The following HTT variants were observed in gnomAD, a reference collection of about 807,000 sequenced individuals.
The protein encoded by HTT is huntington disease protein.
In HTT, 104 loss-of-function variants were observed where a neutral mutation model predicts 362.3. The observed-to-expected ratio is 0.29, with a 90% CI of 0.24 to 0.34. HTT has a LOEUF of 0.34. HTT is among the 10% of genes least tolerant of loss of function. The pLI, the probability that HTT is intolerant of heterozygous loss-of-function variation, is 1.00. For missense variants in HTT, 3,301 were observed against 3,928.6 expected, an observed-to-expected ratio of 0.84 and a Z score of 4.27; for synonymous variants, 1,577 against 1,548.7, an observed-to-expected ratio of 1.02 and a Z score of -0.43.
chr4:3,185,924 G>A (rs976476614), intron 37 of HTT, among the ~76,000 whole-genome samples: 22 of 151,806 alleles, frequency 1.4e-4, no homozygotes, highest in Non-Finnish European at 8.8e-5. Context: ...GAGGGAGGAA[G>A]GAAGGAAGGA....
chr4:3,086,573 A>C (rs1439645643), intron 1 of HTT, among the ~76,000 whole-genome samples: 1 of 152,198 alleles, frequency 6.6e-6, no homozygotes, highest in Non-Finnish European at 1.5e-5. Flanking sequence ...CAGGAGGCTG[A>C]GACGGGAGGA....
chr4:3,160,356 G>A lies in HTT; in HGVS notation c.3828G>A (p.Gln1276=). 1 of 1,555,376 alleles carries A rather than the reference G, an allele frequency of 6.4e-7. No homozygotes were observed. Among genetic ancestry groups the A allele is most frequent in the Non-Finnish European group, 8.7e-7 (1 of 1,148,268 alleles). The change falls in exon 29 of 67, where the codon CAG becomes CAA. Residue 1276 remains glutamine (Q), a synonymous_variant. Coordinates refer to ENST00000355072, the MANE Select transcript of HTT (RefSeq NM_001388492.1). ...FLRSALDVLS[Q]ILELATLQDI... ...GCTCAGCCTTGGATGTTCTTTCTCA[G>A]ATACTAGAGCTGGCCACACTGCAGG...
chr4:3,231,291 G>A lies in HTT; in HGVS notation c.8265+1249G>A, dbSNP rs1439882044. On this transcript the variant is annotated intron_variant, in intron 60 of 66. Transcript: ENST00000355072. The stretch of plus-strand genomic sequence containing the variant: ...GGCCTGCCTAGCCCGTGCTCTGGAC[G>A]GGCTCCTGTGTGTCAGGAACGACAA... 2.9e-4 allele frequency among the ~76,000 whole-genome samples: 44 copies of A among 152,208 alleles called. 1 individual carries two copies. The highest frequency in any genetic ancestry group is 8.8e-5 in the Non-Finnish European group (6 of 68,032).
chr4:3,185,447 T>C (rs753927541), intron 37 of HTT, among the ~76,000 whole-genome samples: 5 of 152,184 alleles, frequency 3.3e-5, no homozygotes, highest in Admixed American at 2.0e-4. Context: ...TGTTGTGAGC[T>C]TCACATCTGT....
intron 1 of HTT, among the ~76,000 whole-genome samples, chr4:3,079,547 G>A (rs1215718612): frequency 2.0e-5 from 3 of 152,166 alleles, no homozygotes; most frequent in Non-Finnish European, 4.4e-5. Flanking sequence ...TAGCAAGGAT[G>A]TCATTTTAGT....
In HTT at chr4:3,075,942, A is replaced by G. The variant is rs933735047; in HGVS notation, c.263+854A>G. On this transcript the variant is annotated intron_variant, in intron 1 of 66. Coordinates refer to ENST00000355072, the MANE Select transcript of HTT (RefSeq NM_001388492.1). ...AAGAGTTGATTGAAGTTTTTTGCCT[A>G]TGTGTGTTGGGAATAAAACCAACAC... Among the ~76,000 whole-genome samples, 20 of 152,228 alleles carry G rather than the reference A, an allele frequency of 1.3e-4. No homozygotes were observed. The Middle Eastern group carries it at 0.01, about 78-fold the overall frequency.
chr4:3,155,892 C>T lies in HTT; in HGVS notation c.3626-1180C>T, dbSNP rs565625830. On this transcript the variant is annotated intron_variant, in intron 27 of 66. Coordinates refer to ENST00000355072, the MANE Select transcript of HTT (RefSeq NM_001388492.1). ...TAGCCTGGGCGATAGAGCGAGACTCCGTCTCAAAAAAAAAAAAAAAAGAAG... is the reference window on the plus strand; with the variant it reads ...TAGCCTGGGCGATAGAGCGAGACTCTGTCTCAAAAAAAAAAAAAAAAGAAG... Among the ~76,000 whole-genome samples the T allele has an allele frequency of 2.7e-4, 39 of 145,880 alleles. 1 individual carries two copies. The South Asian group carries it at 7.1e-3, about 27-fold the overall frequency.
Position 3,132,841 on chromosome 4 carries a change from T to A in HTT, c.2423T>A (p.Ile808Asn). 1 of 1,614,220 alleles carries A rather than the reference T, an allele frequency of 6.2e-7. No individual in the cohort carries two copies. Among genetic ancestry groups the A allele is most frequent in the Non-Finnish European group, 8.5e-7 (1 of 1,180,000 alleles). The change falls in exon 18 of 67, where the codon ATT (isoleucine) becomes AAT (asparagine). Residue 808 changes from isoleucine (I) to asparagine (N), a missense_variant. Physicochemically the swap from Ile to Asn is moderately radical, Grantham distance 149. Around this residue, in one of 4 missense-constraint regions of HTT, gnomAD observed 2,316 missense variants for 2,658.5 expected, o/e 0.87. Transcript: ENST00000355072. ...AATACATTTTCTTTGGCGGATTGCA[T>A]TCCTTTGCTGCGGAAAACACTGAAG... is the stretch of plus-strand genomic sequence containing the variant. ...TGNTFSLADC[I>N]PLLRKTLKDE...
chr4:3,238,719 C>G, intron 65 of HTT, 99 bp from the exon 66 acceptor site: 1 of 1,429,244 alleles, frequency 7.0e-7, no homozygotes, highest in Admixed American at 1.9e-5. Flanking sequence ...TTTAAAGCAG[C>G]AATGCCTCTG....
In HTT at chr4:3,228,708, G is replaced by T. The variant is rs754290508; in HGVS notation, c.7942G>T (p.Ala2648Ser). 4 of 1,607,976 alleles carry T rather than the reference G, an allele frequency of 2.5e-6. No homozygotes were observed. The highest frequency in any genetic ancestry group is 3.4e-6 in the Non-Finnish European group (4 of 1,176,364). The change falls in exon 58 of 67, where the codon GCA becomes TCA. Residue 2648 changes from alanine to serine, a missense_variant. Transcript: ENST00000355072. The surrounding 1 kb of genome is among the most constrained non-coding windows in gnomAD (Gnocchi z 4.3). ...EEEEEEADAP[A>S]PSSPPTSPVN... ...AGAGGAGGAGGAGGCCGACGCCCCT[G>T]CACCTTCGTCACCACCCACGTCTCC...
chr4:3,192,016 C>T (rs1560587329), intron 40 of HTT, among the ~76,000 whole-genome samples: 1 of 152,112 alleles, frequency 6.6e-6, no homozygotes, highest in Non-Finnish European at 1.5e-5. Context: ...CTGTGGTCTG[C>T]ATTGTATATT....
chr4:3,088,188 GTT>G (rs1351334116), intron 2 of HTT, among the ~76,000 whole-genome samples: 5 of 99,994 alleles, frequency 5.0e-5, no homozygotes, highest in Non-Finnish European at 4.3e-5. Flanking sequence ...TTTCACTTTT[GTT>G]TTTTTTTTTT....
intron 25 of HTT, 50 bp from the exon 26 acceptor site, chr4:3,147,955 C>T (rs763065296): frequency 1.1e-5 from 16 of 1,446,956 alleles, no homozygotes; most frequent in Non-Finnish European, 1.5e-5. Context: ...AGCAATTTGT[C>T]CTTCCCATGC....
At chr4:3,115,980 T>TTGTGCCA in intron 7 of HTT, 105 bp from the exon 8 acceptor site, 1 of 1,030,550 alleles carries the variant, frequency 9.7e-7, no homozygotes, top group South Asian at 1.4e-5. Flanking sequence ...ATGATCATGT[T>TTGTGCCA]TGTGCCATCT....
chr4:3,135,289 A>C (rs1716007752), intron 19 of HTT, among the ~76,000 whole-genome samples: 1 of 151,686 alleles, frequency 6.6e-6, no homozygotes, highest in Admixed American at 6.6e-5. Flanking sequence ...TGGCCATTGC[A>C]CTTCAGCCTG....
In HTT at chr4:3,131,293, G is replaced by T; in HGVS notation, c.1994G>T (p.Arg665Leu). The T allele has an allele frequency of 6.2e-7, 1 of 1,611,246 alleles. No homozygotes were observed. Among genetic ancestry groups the T allele is most frequent in the Admixed American group, 1.7e-5 (1 of 60,008 alleles). ...EPGDQENKPC[R>L]IKGDIGQSTD... ...TCATTGTCTCCTTTCTAGCCTTGCCGCATCAAAGGTGACATTGGACAGTCC... is the reference window on the plus strand; with the variant it reads ...TCATTGTCTCCTTTCTAGCCTTGCCTCATCAAAGGTGACATTGGACAGTCC... The change falls in exon 15 of 67, where the codon CGC (arginine) becomes CTC (leucine). Residue 665 changes from arginine to leucine, a missense_variant. Physicochemically the swap from Arg to Leu is moderately radical, Grantham distance 102. Coordinates refer to ENST00000355072, the MANE Select transcript of HTT (RefSeq NM_001388492.1).
intron 40 of HTT, among the ~76,000 whole-genome samples, chr4:3,198,151 GC>G (rs1560589498): frequency 6.6e-6 from 1 of 151,160 alleles, no homozygotes; most frequent in East Asian, 1.9e-4. Context: ...GCATTGTGGA[GC>G]CCTAAAAAGC....
chr4:3,117,250 A>G (rs1220800839), intron 8 of HTT, among the ~76,000 whole-genome samples: 1 of 152,186 alleles, frequency 6.6e-6, no homozygotes. Flanking sequence ...TTTCCTTCAC[A>G]AAAAACACTG....
chr4:3,094,493 G>A (rs1443471402), intron 2 of HTT, among the ~76,000 whole-genome samples: 5 of 151,502 alleles, frequency 3.3e-5, no homozygotes, highest in South Asian at 2.1e-4. Context: ...TGGGGCGGCC[G>A]GGCAGAGGCG....
Sources: allele counts gnomAD v4.1 joint callset (sites outside exome capture counted in the v4.1 genomes callset), GRCh38; gene constraint gnomAD v4.1.1; regional missense constraint gnomAD v4.1.1; non-coding constraint Gnocchi (gnomAD v3.1); transcripts MANE v1.5; gene names NCBI Gene and HGNC (gene_info 2026-07-23, HGNC 2026-07-21).